KTN1: variants seen among roughly 807,000 people sequenced by gnomAD.
KTN1 encodes kinectin 1, also known as kinectin.
Under a neutral mutation model 222.5 loss-of-function variants are expected in KTN1, and 130 were observed. That is an observed-to-expected ratio of 0.58 (90% CI 0.51 to 0.68). The LOEUF is 0.68. Among genes scored for constraint, KTN1 ranks in the 30% least tolerant of loss-of-function variants. The pLI, the probability that KTN1 is intolerant of heterozygous loss-of-function variation, is 0.00. For synonymous variants in KTN1, 512 were observed against 496.3 expected (o/e 1.03, Z -0.42); for missense variants, 1,508 against 1,500.4 (o/e 1.01, Z -0.08).
intron 1 of KTN1, among the ~76,000 whole-genome samples, chr14:55,584,577 A>T (rs2032525441): frequency 6.6e-6 from 1 of 152,176 alleles, no homozygotes; most frequent in Non-Finnish European, 1.5e-5. Context: ...TCTTAAAAAG[A>T]TGTGCCTATT....
intron 6 of KTN1, among the ~76,000 whole-genome samples, chr14:55,628,268 G>A (rs979664725): frequency 2.6e-5 from 4 of 152,192 alleles, no homozygotes; most frequent in Admixed American, 2.0e-4. Context: ...AATAACAAAA[G>A]CACTCTGTAC....
Position 55,652,891 on chromosome 14 carries a change from T to A in KTN1, c.2645T>A (p.Val882Asp), listed in dbSNP as rs766672101. 58 of 1,611,092 alleles carry A rather than the reference T, an allele frequency of 3.6e-5. No individual in the cohort carries two copies. Among genetic ancestry groups the A allele is most frequent in the Non-Finnish European group, 3.1e-5 (37 of 1,178,084 alleles). The stretch of plus-strand genomic sequence containing the variant: ...GAACAGATGAATACCATGAAGGCTG[T>A]TTTGGAAGAGAAAGAGAAAGACCTA... ...KEEQMNTMKAVLEEKEKDLAN... is the reference protein window; with the variant it reads ...KEEQMNTMKADLEEKEKDLAN... Residue 882 changes from valine to aspartate, a missense_variant, in exon 26 of 44, where the codon GTT becomes GAT. Val to Asp is a radical substitution (Grantham distance 152). Transcript: ENST00000395314.
chr14:55,678,437 C>T lies in KTN1; in HGVS notation c.3941C>T (p.Pro1314Leu), dbSNP rs773788056. ...GTTATTGAAAATAGTGATGTTTCCC[C>T]AGAAACGGTATGTATTTTCTTCATC... The part of the protein sequence containing the change: ...TTVIENSDVS[P>L]ETESSEKETM... Residue 1314 changes from proline (P) to leucine (L), a missense_variant, in exon 42 of 44, where the codon CCA becomes CTA. Pro to Leu is a moderately conservative substitution (Grantham distance 98, BLOSUM62 -3). Transcript: ENST00000395314. The T allele has an allele frequency of 2.7e-5, 43 of 1,596,850 alleles. No individual in the cohort carries two copies. The highest frequency in any genetic ancestry group is 2.2e-4 in the South Asian group (20 of 90,720).
chr14:55,637,223 A>G lies in KTN1; in HGVS notation c.1575A>G (p.Lys525=). 10 of 1,604,100 alleles carry G rather than the reference A, an allele frequency of 6.2e-6. No homozygotes were observed. The highest frequency in any genetic ancestry group is 8.5e-6 in the Non-Finnish European group (10 of 1,175,036). ...ATTTACAGAGTAAATTTGTGGCCAAAGAAAATGAAGTACAGAGTCTGCATA... is the reference window on the plus strand; with the variant it reads ...ATTTACAGAGTAAATTTGTGGCCAAGGAAAATGAAGTACAGAGTCTGCATA... ...QQDLQSKFVA[K]ENEVQSLHSK... is the part of the protein sequence containing the mutation. Residue 525 remains lysine (K), a synonymous_variant, in exon 11 of 44, where the codon AAA becomes AAG. Coordinates refer to ENST00000395314, the MANE Select transcript of KTN1 (RefSeq NM_001079521.2).
In KTN1 at chr14:55,653,465, GT is replaced by G. The variant is rs368578094; in HGVS notation, c.2764-89del. The G allele has an allele frequency of 1.2e-3, 1,113 of 910,336 alleles. 20 individuals are homozygous for G. In the South Asian group the frequency reaches 0.016, roughly 13 times the overall value. The allele number at this position is 910,336 out of a possible 1,614,324, so 56.4% of individuals were successfully genotyped here. On this transcript the variant is annotated intron_variant, in intron 27 of 43. Coordinates refer to ENST00000395314, the MANE Select transcript of KTN1 (RefSeq NM_001079521.2). ...ATTTACTGCATATAATTATGTTTTT[GT>G]TTTTATTGGTGGGTGATTCCATATA...
chr14:55,654,403 T>C (rs961706879), intron 28 of KTN1, among the ~76,000 whole-genome samples: 2 of 152,206 alleles, frequency 1.3e-5, no homozygotes, highest in African/African-American at 4.8e-5. Context: ...ATTGTTTGTC[T>C]TTTGGCTATG....
chr14:55,647,681 T>C (rs983681603), intron 19 of KTN1, among the ~76,000 whole-genome samples: 2 of 136,158 alleles, frequency 1.5e-5, no homozygotes, highest in Non-Finnish European at 3.1e-5. Context: ...TGGTGGCTGA[T>C]GCTGGTAATC....
chr14:55,672,435 A>C, intron 37 of KTN1, 195 bp from the exon 38 acceptor site: 1 of 479,428 alleles, frequency 2.1e-6, no homozygotes, highest in Non-Finnish European at 3.7e-6. Flanking sequence ...TAATATACAA[A>C]TGGAGTAGGT....
In KTN1 at chr14:55,669,179, A is replaced by G. The variant is rs566180016; in HGVS notation, c.3268-1550A>G. On this transcript the variant is annotated intron_variant, in intron 34 of 43. Coordinates refer to ENST00000395314, the MANE Select transcript of KTN1 (RefSeq NM_001079521.2). Reference sequence around the variant, plus strand: ...TATGAGCCAAGAGAATTAATGATTGATAATTTCTGTTCTTCAAAGATTGTA... The same window carrying G: ...TATGAGCCAAGAGAATTAATGATTGGTAATTTCTGTTCTTCAAAGATTGTA... 2.0e-5 allele frequency among the ~76,000 whole-genome samples: 3 copies of G among 152,206 alleles called. No individual in the cohort carries two copies. In the South Asian group the frequency reaches 6.2e-4, roughly 32 times the overall value.
At chr14:55,654,171 AGGTTACAAT>A (rs1375113977) in intron 28 of KTN1, among the ~76,000 whole-genome samples, 1 of 152,178 alleles carries the variant, frequency 6.6e-6, no homozygotes, top group African/African-American at 2.4e-5. Flanking sequence ...AAGGTACAGC[AGGTTACAAT>A]GGTGGGAAAG....
intron 1 of KTN1, among the ~76,000 whole-genome samples, chr14:55,607,018 G>A (rs2036829078): frequency 6.6e-6 from 1 of 152,092 alleles, no homozygotes; most frequent in African/African-American, 2.4e-5. Context: ...TAGACAGTGT[G>A]GTGTGTCTTG....
intron 29 of KTN1, among the ~76,000 whole-genome samples, chr14:55,656,797 T>C (rs2043531060): frequency 6.6e-6 from 1 of 152,150 alleles, no homozygotes; most frequent in Non-Finnish European, 1.5e-5. Flanking sequence ...TTCCAGTTGA[T>C]GGATACCTAG....
chr14:55,664,013 T>C lies in KTN1; in HGVS notation c.3149T>C (p.Leu1050Pro). The C allele has an allele frequency of 6.2e-7, 1 of 1,612,552 alleles. No individual in the cohort carries two copies. The highest frequency in any genetic ancestry group is 8.5e-7 in the Non-Finnish European group (1 of 1,178,950). ...MEALASTEKM[L>P]QDKVNKTSKE... ...GCATTGGCATCAACTGAAAAAATGC[T>C]GCAGGACAAAGTGAACAAGACTTCC... Residue 1050 changes from leucine (L) to proline (P), a missense_variant, in exon 33 of 44, where the codon CTG (leucine) becomes CCG (proline). Leu to Pro is a moderately conservative substitution (Grantham distance 98). Transcript: ENST00000395314.
intron 1 of KTN1, among the ~76,000 whole-genome samples, chr14:55,592,761 T>C (rs1002297492): frequency 1.3e-5 from 2 of 152,238 alleles, no homozygotes; most frequent in African/African-American, 2.4e-5. Context: ...TTTGCACATA[T>C]ATTGTGAAGT....
intron 1 of KTN1, among the ~76,000 whole-genome samples, chr14:55,585,772 A>AT (rs2032857508): frequency 6.6e-6 from 1 of 152,200 alleles, no homozygotes; most frequent in Non-Finnish European, 1.5e-5. Flanking sequence ...CAGCCCATGT[A>AT]TTTTTACAAA....
At chr14:55,622,556 A>G (rs929388946) in intron 5 of KTN1, among the ~76,000 whole-genome samples, 3 of 152,198 alleles carry the variant, frequency 2.0e-5, no homozygotes, top group African/African-American at 7.2e-5. Context: ...CTGCTATTCA[A>G]TATTAGATGG....
At chr14:55,652,621 G>A (rs541926238) in intron 25 of KTN1, among the ~76,000 whole-genome samples, 46 of 152,200 alleles carry the variant, frequency 3.0e-4, no homozygotes, top group African/African-American at 8.9e-4. Context: ...GGATGGTCTT[G>A]ATCTCCTGAC....
intron 29 of KTN1, among the ~76,000 whole-genome samples, chr14:55,656,603 C>T (rs923195921): frequency 2.0e-5 from 3 of 151,952 alleles, no homozygotes; most frequent in Non-Finnish European, 4.4e-5. Context: ...GTAGCTGGGA[C>T]TACAGGCATG....
At chr14:55,613,592 C>G (rs941136633) in intron 2 of KTN1, among the ~76,000 whole-genome samples, 16 of 148,952 alleles carry the variant, frequency 1.1e-4, no homozygotes, top group Non-Finnish European at 2.1e-4. Context: ...TGCCCAAGTT[C>G]AAGTGATTCT....
Sources: gnomAD v4.1 joint callset for allele counts (sites outside exome capture counted in the v4.1 genomes callset) on GRCh38, gnomAD v4.1.1 for gene constraint, MANE v1.5 for transcripts, NCBI Gene and HGNC (gene_info 2026-07-23, HGNC 2026-07-21) for gene names.